RGS21: variants seen among roughly 807,000 people sequenced by gnomAD.
The protein encoded by RGS21 is regulator of G protein signaling 21.
RGS21 carries 19 observed loss-of-function variants against 18.7 expected under a neutral mutation model. The ratio of observed to expected loss-of-function variants is 1.01; its 90% CI spans 0.71 to 1.49. RGS21 has a LOEUF of 1.49. Among genes scored for constraint, RGS21 ranks in the 40% most tolerant of loss-of-function variants. The pLI, the probability that RGS21 is intolerant of heterozygous loss-of-function variation, is 0.00. For missense variants in RGS21, 194 were observed against 176.8 expected (o/e 1.10, Z -0.55); for synonymous variants, 56 against 57.8 (o/e 0.97, Z 0.14).
intron 1 of RGS21, among the ~76,000 whole-genome samples, chr1:192,325,222 T>C (rs549074649): frequency 6.6e-6 from 1 of 151,992 alleles, no homozygotes; most frequent in Non-Finnish European, 1.5e-5. Flanking sequence ...GAACAGGAGG[T>C]ATTTGGCTTT....
chr1:192,333,989 A>G (rs1294328433), intron 1 of RGS21, among the ~76,000 whole-genome samples: 1 of 152,188 alleles, frequency 6.6e-6, no homozygotes, highest in African/African-American at 2.4e-5. Flanking sequence ...AAGTAAAAAC[A>G]TGTTTATGAC....
chr1:192,363,909 A>G (rs1285236216), intron 4 of RGS21, among the ~76,000 whole-genome samples: 3 of 152,062 alleles, frequency 2.0e-5, no homozygotes, highest in African/African-American at 4.8e-5. Context: ...TCAACTTTAC[A>G]TCTAAAACAT....
At position 192,342,006 on chromosome 1, in the gene RGS21, T is replaced by TG. The variant is rs565070357; in HGVS notation, c.-60-971_-60-970insG. On this transcript the variant is annotated intron_variant, in intron 1 of 4. Transcript: ENST00000417209. ...TTTCCCTTCTTAATGATACACCGAC[T>TG]TTTTAGGTCATTTCTTCTACTTCTC... Among the ~76,000 whole-genome samples, 387 of 152,178 alleles carry TG rather than the reference T, an allele frequency of 2.5e-3. 1 individual carries two copies. The highest frequency in any genetic ancestry group is 8.9e-3 in the African/African-American group (371 of 41,550).
chr1:192,319,210 A>T (rs1273688684), intron 1 of RGS21, among the ~76,000 whole-genome samples: 1 of 152,134 alleles, frequency 6.6e-6, no homozygotes, highest in African/African-American at 2.4e-5. Context: ...TGATTGCACC[A>T]CTGCGCTACA....
chr1:192,363,022 A>C (rs143523140), intron 4 of RGS21, among the ~76,000 whole-genome samples: 8 of 152,174 alleles, frequency 5.3e-5, no homozygotes, highest in Non-Finnish European at 1.5e-5. Context: ...AGACAAAAAG[A>C]CTTGTGAAAG....
intron 1 of RGS21, among the ~76,000 whole-genome samples, chr1:192,340,585 C>G (rs1184197497): frequency 6.6e-6 from 1 of 152,094 alleles, no homozygotes; most frequent in Non-Finnish European, 1.5e-5. Flanking sequence ...CTGCCACCAA[C>G]TTACTTGCTT....
chr1:192,345,635 A>C (rs1198667642), intron 2 of RGS21, among the ~76,000 whole-genome samples: 1 of 152,050 alleles, frequency 6.6e-6, no homozygotes. Flanking sequence ...TTTATTTTTC[A>C]GTTTTTCCTG....
chr1:192,337,051 T>C (rs1043147026), intron 1 of RGS21, among the ~76,000 whole-genome samples: 1 of 152,126 alleles, frequency 6.6e-6, no homozygotes, highest in African/African-American at 2.4e-5. Context: ...AGTAATATAT[T>C]ATAAAAGATG....
At chr1:192,348,016 A>ATATATT (rs943436395) in intron 3 of RGS21, among the ~76,000 whole-genome samples, 1 of 149,092 alleles carries the variant, frequency 6.7e-6, no homozygotes, top group African/African-American at 2.5e-5. Flanking sequence ...ATACATATAT[A>ATATATT]TATGTATTTT....
At chr1:192,361,331 T>C (rs967873582) in intron 4 of RGS21, among the ~76,000 whole-genome samples, 1 of 152,114 alleles carries the variant, frequency 6.6e-6, no homozygotes, top group Non-Finnish European at 1.5e-5. Flanking sequence ...TTGGAGAATA[T>C]ATATATGCTC....
Position 192,347,316 on chromosome 1 carries a change from C to T in RGS21, c.15C>T (p.Cys5=). 1.3e-6 allele frequency: 2 copies of T among 1,590,924 alleles called. No individual in the cohort carries two copies. The change falls in exon 3 of 5, where the codon TGC becomes TGT. Residue 5 remains cysteine (C), a synonymous_variant. Coordinates refer to ENST00000417209, the MANE Select transcript of RGS21 (RefSeq NM_001039152.3). ...ACAATGCTATTGTCAAGGTTAGATG[C>T]TGTTTCTACAGGTCACCAACTGCGG... MPVK[C]CFYRSPTAET... is the part of the protein sequence containing the mutation.
At chr1:192,351,861 A>C (rs1659047128) in intron 3 of RGS21, among the ~76,000 whole-genome samples, 186 bp from the exon 4 acceptor site, 1 of 149,768 alleles carries the variant, frequency 6.7e-6, no homozygotes, top group African/African-American at 2.4e-5. Context: ...TATATATGTT[A>C]ACAATTACTG....
chr1:192,352,370 T>TC (rs1188154894), intron 4 of RGS21, among the ~76,000 whole-genome samples, 157 bp downstream of exon 4: 46 of 152,180 alleles, frequency 3.0e-4, no homozygotes, highest in East Asian at 7.7e-4. Context: ...AAGATGACTC[T>TC]CTTTTTTTTC....
At chr1:192,352,796 G>A (rs1659062632) in intron 4 of RGS21, among the ~76,000 whole-genome samples, 1 of 151,952 alleles carries the variant, frequency 6.6e-6, no homozygotes, top group Non-Finnish European at 1.5e-5. Context: ...AACCTGCAAT[G>A]ACTCTGTTAA....
At chr1:192,355,497 A>G (rs1056716259) in intron 4 of RGS21, among the ~76,000 whole-genome samples, 5 of 151,626 alleles carry the variant, frequency 3.3e-5, no homozygotes, top group African/African-American at 1.2e-4. Flanking sequence ...TTGCTCATTG[A>G]GTAAATTTTA....
chr1:192,336,978 T>C (rs928823274), intron 1 of RGS21, among the ~76,000 whole-genome samples: 21 of 152,136 alleles, frequency 1.4e-4, no homozygotes, highest in Admixed American at 1.1e-3. Flanking sequence ...GAAATGTGGA[T>C]ATAGTTGCAA....
intron 4 of RGS21, among the ~76,000 whole-genome samples, chr1:192,364,153 C>T (rs1659223470): frequency 6.6e-6 from 1 of 152,110 alleles, no homozygotes; most frequent in African/African-American, 2.4e-5. Flanking sequence ...TGAAAAGGAT[C>T]CCCAAGTGTT....
intron 3 of RGS21, among the ~76,000 whole-genome samples, chr1:192,351,795 T>G (rs953794553): frequency 8.1e-5 from 12 of 147,682 alleles, no homozygotes; most frequent in African/African-American, 2.9e-4. Flanking sequence ...AACACATATA[T>G]AGCACATATA....
intron 1 of RGS21, among the ~76,000 whole-genome samples, chr1:192,341,444 G>C (rs970193957): frequency 3.9e-5 from 6 of 152,020 alleles, no homozygotes; most frequent in South Asian, 2.1e-4. Context: ...TATCTATATG[G>C]CAATCCTTTG....
Sources: allele counts gnomAD v4.1 joint callset (sites outside exome capture counted in the v4.1 genomes callset), GRCh38; gene constraint gnomAD v4.1.1; transcripts MANE v1.5; gene names NCBI Gene and HGNC (gene_info 2026-07-23, HGNC 2026-07-21).